Variants in NFATC3 observed in about 807,000 individuals in gnomAD.
NFATC3 encodes nuclear factor of activated T cells 3, also known as nuclear factor of activated T-cells, cytoplasmic 3.
In NFATC3, 46 loss-of-function variants were observed where a neutral mutation model predicts 98.6. The observed-to-expected ratio is 0.47, with a 90% CI of 0.37 to 0.60. The LOEUF (loss-of-function observed/expected upper bound fraction) is 0.60. Ranked by LOEUF, NFATC3 falls within the 20% of genes least tolerant of loss-of-function variation. NFATC3 has a pLI of 0.00. For missense variants in NFATC3, 1,256 were observed against 1,295.5 expected (o/e 0.97, Z 0.47); for synonymous variants, 512 against 472.2 (o/e 1.08, Z -1.09).
intron 7 of NFATC3, among the ~76,000 whole-genome samples, chr16:68,181,937 ATT>A (rs1425247808): frequency 6.6e-6 from 1 of 152,138 alleles, no homozygotes; most frequent in Admixed American, 6.6e-5. Context: ...AAAAAGTAAA[ATT>A]TCTAGCGGTT....
chr16:68,116,693 A>G (rs1209397704), intron 1 of NFATC3, among the ~76,000 whole-genome samples: 1 of 152,332 alleles, frequency 6.6e-6, no homozygotes, highest in East Asian at 1.9e-4. Context: ...CTTCATCTAC[A>G]GTTTATTTGG....
At chr16:68,107,062 G>C (rs2035698160) in intron 1 of NFATC3, among the ~76,000 whole-genome samples, 1 of 152,036 alleles carries the variant, frequency 6.6e-6, no homozygotes, top group Admixed American at 6.6e-5. Context: ...ATGGCTTCCA[G>C]CTCCATCCAT....
intron 1 of NFATC3, among the ~76,000 whole-genome samples, chr16:68,100,393 T>C (rs9928783): frequency 0.22 from 33,613 of 151,784 alleles, 4,085 homozygotes; most frequent in African/African-American, 0.31. Context: ...GGCAACATGG[T>C]GAAACCCCAT....
rs1185595593 is a variant in NFATC3, at chr16:68,167,883, A to G, written c.1774+868A>G. Reference sequence around the variant, plus strand: ...GATTTACTCTTCTTGCCCAGGTTGGAGTGCAGTGTTGTGATCTTGGCTCAC... The same window carrying G: ...GATTTACTCTTCTTGCCCAGGTTGGGGTGCAGTGTTGTGATCTTGGCTCAC... On this transcript the variant is annotated intron_variant, in intron 5 of 9. Transcript: ENST00000346183. Among the ~76,000 whole-genome samples, 7 of 107,968 alleles carry G rather than the reference A, an allele frequency of 6.5e-5. No individual in the cohort carries two copies. In the South Asian group the frequency reaches 1.6e-3, roughly 25 times the overall value. The allele number at this position is 107,968 out of a possible 152,430, so 70.8% of individuals were successfully genotyped here.
chr16:68,213,667 A>G (rs1159194567), intron 9 of NFATC3, among the ~76,000 whole-genome samples: 1 of 151,976 alleles, frequency 6.6e-6, no homozygotes, highest in Admixed American at 6.6e-5. Flanking sequence ...CATCTCTACT[A>G]AAAATACAAA....
At chr16:68,127,821 A>G (rs1370281932) in intron 3 of NFATC3, among the ~76,000 whole-genome samples, 1 of 152,116 alleles carries the variant, frequency 6.6e-6, no homozygotes, top group African/African-American at 2.4e-5. Flanking sequence ...AAAGTAAAGT[A>G]ATTGTCTGTC....
rs2034325098 is a variant in NFATC3, at chr16:68,085,708, C to G, written c.27C>G (p.His9Gln). 2 of 1,515,056 alleles carry G rather than the reference C, an allele frequency of 1.3e-6. No homozygotes were observed. The highest frequency in any genetic ancestry group is 1.8e-6 in the Non-Finnish European group (2 of 1,133,632). 93.9% of individuals were successfully genotyped at this position (1,515,056 alleles called of 1,614,324 possible). A position where few individuals can be genotyped will look rare whatever the true frequency, so the allele number is the denominator to read the frequency against. ...TGACTACTGCAAACTGTGGCGCCCACGACGAGCTCGACTTCAAACTCGTCT... is the reference window on the plus strand; with the variant it reads ...TGACTACTGCAAACTGTGGCGCCCAGGACGAGCTCGACTTCAAACTCGTCT... MTTANCGA[H>Q]DELDFKLVFG... The change falls in exon 1 of 10, where the codon CAC becomes CAG. Residue 9 changes from histidine (H) to glutamine (Q), a missense_variant. Around this residue, in one of 3 missense-constraint regions of NFATC3, gnomAD observed 464 missense variants for 465.7 expected, o/e 1.00. Coordinates refer to ENST00000346183, the MANE Select transcript of NFATC3 (RefSeq NM_173165.3).
intron 1 of NFATC3, among the ~76,000 whole-genome samples, chr16:68,114,023 G>A (rs2036130136): frequency 6.6e-6 from 1 of 152,184 alleles, no homozygotes; most frequent in East Asian, 1.9e-4. Flanking sequence ...GCTGCTGCTA[G>A]CCACAACCTG....
At chr16:68,163,600 C>A (rs1598479139) in intron 4 of NFATC3, among the ~76,000 whole-genome samples, 1 of 151,830 alleles carries the variant, frequency 6.6e-6, no homozygotes, top group African/African-American at 2.4e-5. Context: ...TCCTCACTTC[C>A]CAGACGGGGC....
At chr16:68,165,108 G>T (rs1179465091) in intron 4 of NFATC3, among the ~76,000 whole-genome samples, 1 of 152,040 alleles carries the variant, frequency 6.6e-6, no homozygotes, top group South Asian at 2.1e-4. Context: ...TAACACAGAT[G>T]ATCTCTGCTA....
chr16:68,166,703 AT>A (rs1240082001), intron 4 of NFATC3, 139 bp from the exon 5 acceptor site: 3 of 643,922 alleles, frequency 4.7e-6, no homozygotes, highest in Non-Finnish European at 7.7e-6. Flanking sequence ...TTAGCAGTGA[AT>A]AGCAATCATA....
At chr16:68,105,987 T>C (rs992197370) in intron 1 of NFATC3, among the ~76,000 whole-genome samples, 8 of 151,950 alleles carry the variant, frequency 5.3e-5, no homozygotes, top group South Asian at 2.1e-4. Flanking sequence ...CAGGCGATTC[T>C]CCTGCCTCAG....
chr16:68,171,772 G>C (rs1009545415), intron 5 of NFATC3, among the ~76,000 whole-genome samples: 1 of 151,910 alleles, frequency 6.6e-6, no homozygotes, highest in Admixed American at 6.6e-5. Context: ...ACCACGCCTG[G>C]CTGCATACAC....
intron 3 of NFATC3, among the ~76,000 whole-genome samples, chr16:68,156,386 C>A (rs2038618582): frequency 6.6e-6 from 1 of 152,112 alleles, no homozygotes; most frequent in Admixed American, 6.6e-5. Context: ...GAGAAGAAAA[C>A]TGCAAACCGA....
intron 6 of NFATC3, among the ~76,000 whole-genome samples, chr16:68,175,043 TGG>T (rs2039624087): frequency 6.6e-6 from 1 of 152,184 alleles, no homozygotes; most frequent in South Asian, 2.1e-4. Flanking sequence ...AACTGATGAA[TGG>T]ATAAACAAAA....
intron 1 of NFATC3, among the ~76,000 whole-genome samples, chr16:68,113,950 G>C (rs944658000): frequency 6.6e-6 from 1 of 152,190 alleles, no homozygotes; most frequent in Non-Finnish European, 1.5e-5. Context: ...GCAGACTGGA[G>C]CCGCAGTGAT....
rs2040403863 is a variant in NFATC3 at position 68,190,964 on chromosome 16, A to G, written c.2295A>G (p.Pro765=). The G allele has an allele frequency of 2.5e-6, 4 of 1,614,216 alleles. No individual in the cohort carries two copies. Among genetic ancestry groups the G allele is most frequent in the South Asian group, 1.1e-5 (1 of 91,088 alleles). The change falls in exon 9 of 10, where the codon CCA becomes CCG. Residue 765 remains proline, a synonymous_variant. Transcript: ENST00000346183. ...YASMVTSSHL[P]QLQCRDESVS... Reference sequence around the variant, plus strand: ...CCATGGTGACCTCATCCCATCTGCCACAGTTGCAGTGTAGAGATGAGAGTG... The same window carrying G: ...CCATGGTGACCTCATCCCATCTGCCGCAGTTGCAGTGTAGAGATGAGAGTG...
intron 9 of NFATC3, among the ~76,000 whole-genome samples, chr16:68,206,455 T>G (rs993695876): frequency 2.0e-5 from 3 of 152,216 alleles, no homozygotes; most frequent in African/African-American, 7.2e-5. Flanking sequence ...CTCTATGAAT[T>G]TCCCTACTCT....
intron 4 of NFATC3, among the ~76,000 whole-genome samples, chr16:68,164,070 T>A (rs2039058654): frequency 6.6e-6 from 1 of 152,088 alleles, no homozygotes; most frequent in Non-Finnish European, 1.5e-5. Flanking sequence ...GTGGAGGTTG[T>A]AGCGAGCCGA....
Sources: allele counts gnomAD v4.1 joint callset (sites outside exome capture counted in the v4.1 genomes callset), GRCh38; gene constraint gnomAD v4.1.1; regional missense constraint gnomAD v4.1.1; transcripts MANE v1.5; gene names NCBI Gene and HGNC (gene_info 2026-07-23, HGNC 2026-07-21).